Variants in FRMD4B observed in about 807,000 individuals in gnomAD.
FRMD4B encodes FERM domain containing 4B, also known as FERM domain-containing protein 4B.
FRMD4B carries 74 observed loss-of-function variants against 141.5 expected under a neutral mutation model. The ratio of observed to expected loss-of-function variants is 0.52; its 90% confidence interval spans 0.43 to 0.63. The LOEUF is 0.63. Among genes scored for constraint, FRMD4B ranks in the 30% least tolerant of loss-of-function variants. FRMD4B has a pLI of 0.00. For missense variants in FRMD4B, 1,366 were observed against 1,253.4 expected (o/e 1.09, Z -1.36); for synonymous variants, 506 against 467.9 (o/e 1.08, Z -1.05).
chr3:69,264,009 G>T (rs2093545301), intron 5 of FRMD4B, among the ~76,000 whole-genome samples: 2 of 151,350 alleles, frequency 1.3e-5, no homozygotes, highest in South Asian at 4.2e-4. Flanking sequence ...TATTTTTAGA[G>T]ACTGGGTTTT....
rs531635946 is a variant in FRMD4B at position 69,201,613 on chromosome 3, TTATC to T, written c.877-2843_877-2840del. 1.8e-4 allele frequency among the ~76,000 whole-genome samples: 27 copies of T among 152,316 alleles called. No homozygotes were observed. The South Asian group carries it at 5.6e-3, about 32-fold the overall frequency. On this transcript the variant is annotated intron_variant, in intron 11 of 22. Coordinates refer to ENST00000398540, the MANE Select transcript of FRMD4B (RefSeq NM_015123.3). ...AAATATTTCTAATTGTAGTGGTACT[TTATC>T]TAGCTGGCAGCTGGATATAAGCTGG...
intron 9 of FRMD4B, among the ~76,000 whole-genome samples, 166 bp downstream of exon 9, chr3:69,221,692 G>A (rs1026486264): frequency 6.6e-6 from 1 of 152,094 alleles, no homozygotes; most frequent in Non-Finnish European, 1.5e-5. Flanking sequence ...CTGAGTTGGT[G>A]ACACCAATGT....
At chr3:69,248,873 A>T (rs1004788585) in intron 7 of FRMD4B, among the ~76,000 whole-genome samples, 1 of 152,240 alleles carries the variant, frequency 6.6e-6, no homozygotes. Flanking sequence ...TTGTGCATAC[A>T]TTATAACTCT....
At chr3:69,183,160 G>C (rs1188893597) in intron 19 of FRMD4B, among the ~76,000 whole-genome samples, 2 of 152,168 alleles carry the variant, frequency 1.3e-5, no homozygotes, top group African/African-American at 4.8e-5. Context: ...CGACTACTCA[G>C]CTCTGCCCTT....
chr3:69,504,801 C>T (rs1706568574), intron 1 of FRMD4B, among the ~76,000 whole-genome samples: 2 of 152,160 alleles, frequency 1.3e-5, no homozygotes, highest in Admixed American at 1.3e-4. Flanking sequence ...TATTCCTAGA[C>T]ATGAAAATGC....
intron 1 of FRMD4B, among the ~76,000 whole-genome samples, chr3:69,344,944 C>A (rs1168721703): frequency 1.3e-5 from 2 of 152,096 alleles, no homozygotes; most frequent in Non-Finnish European, 2.9e-5. Context: ...GCATTTCCAA[C>A]TGAGATACTG....
intron 1 of FRMD4B, among the ~76,000 whole-genome samples, chr3:69,330,253 T>C (rs1046478762): frequency 3.3e-5 from 5 of 150,382 alleles, no homozygotes; most frequent in African/African-American, 1.2e-4. Flanking sequence ...GAAGGTCCCA[T>C]TGGCAGCTGA....
rs1553691418 is a variant in FRMD4B, at chr3:69,169,353, C to CTTCCTTTTTTTTTTTTTTTTTTTTTTTT, written c.*2507_*2508insAAAAAAAAAAAAAAAAAAAAAAAAGGAA. Among the ~76,000 whole-genome samples, 1 of 29,286 alleles carries CTTCCTTTTTTTTTTTTTTTTTTTTTTTT rather than the reference C, an allele frequency of 3.4e-5. No homozygotes were observed. The highest frequency in any genetic ancestry group is 6.4e-5 in the African/African-American group (1 of 15,666). The allele number at this position is 29,286 out of a possible 152,430, so 19.2% of individuals were successfully genotyped here. Reference sequence around the variant, plus strand: ...AGGATTGCTGAACTTCCATTTCTTTCTTTTTTTTTTTTTTTTTTTTTTCTT... The same window carrying CTTCCTTTTTTTTTTTTTTTTTTTTTTTT: ...AGGATTGCTGAACTTCCATTTCTTTCTTCCTTTTTTTTTTTTTTTTTTTTTTTTTTTTTTTTTTTTTTTTTTTTTTCTT... On this transcript the variant is annotated 3_prime_UTR_variant, in exon 23 of 23. Transcript: ENST00000398540.
intron 2 of FRMD4B, among the ~76,000 whole-genome samples, chr3:69,427,621 T>C (rs1463040214): frequency 6.8e-6 from 1 of 146,084 alleles, no homozygotes; most frequent in African/African-American, 2.5e-5. Context: ...CATGACTGTG[T>C]TTAGTAAGAA....
intron 1 of FRMD4B, among the ~76,000 whole-genome samples, chr3:69,376,458 G>C (rs1026738088): frequency 1.3e-5 from 2 of 152,100 alleles, no homozygotes; most frequent in East Asian, 1.9e-4. Context: ...TTAATATCTA[G>C]TAGCTGTTAC....
In FRMD4B at chr3:69,171,847, G is replaced by A; in HGVS notation, c.*14C>T. 1.2e-6 allele frequency: 2 copies of A among 1,609,174 alleles called. No homozygotes were observed. The highest frequency in any genetic ancestry group is 1.3e-5 in the African/African-American group (1 of 74,900). ...GTGAGAACGCAGTGCTTGGTCAGGAGGTCCAACTGCAGTTCAGACTAATGT... is the reference window on the plus strand; with the variant it reads ...GTGAGAACGCAGTGCTTGGTCAGGAAGTCCAACTGCAGTTCAGACTAATGT... On this transcript the variant is annotated 3_prime_UTR_variant, in exon 23 of 23. Coordinates refer to ENST00000398540, the MANE Select transcript of FRMD4B (RefSeq NM_015123.3).
rs1334074776 is a variant in FRMD4B at position 69,169,410 on chromosome 3, T to G, written c.*2451A>C. Among the ~76,000 whole-genome samples the G allele has an allele frequency of 6.9e-6, 1 of 144,794 alleles. No homozygotes were observed. The highest frequency in any genetic ancestry group is 1.5e-5 in the Non-Finnish European group (1 of 66,742). The allele number at this position is 144,794 out of a possible 152,430, so 95.0% of individuals were successfully genotyped here. A position where few individuals can be genotyped will look rare whatever the true frequency, so the allele number is the denominator to read the frequency against. On this transcript the variant is annotated 3_prime_UTR_variant, in exon 23 of 23. Coordinates refer to ENST00000398540, the MANE Select transcript of FRMD4B (RefSeq NM_015123.3). ...AGGTCTGTTATTGCCTAGGCTGGAA[T>G]GCAGTGGCACGATCCTGGCTCACTG...
chr3:69,326,225 G>A (rs1341111455), intron 1 of FRMD4B, among the ~76,000 whole-genome samples: 2 of 150,724 alleles, frequency 1.3e-5, no homozygotes, highest in Non-Finnish European at 2.9e-5. Flanking sequence ...CCATAGTGCT[G>A]GGATTATAGG....
Position 69,169,246 on chromosome 3 carries a change from T to C in FRMD4B, c.*2615A>G, listed in dbSNP as rs958440822. On this transcript the variant is annotated 3_prime_UTR_variant, in exon 23 of 23. Coordinates refer to ENST00000398540, the MANE Select transcript of FRMD4B (RefSeq NM_015123.3). ...ATGTACTTTTGTCACTTTTGGCTTT[T>C]AATAAATAACGTAGTTTAATTGGTT... is the stretch of plus-strand genomic sequence containing the variant. Among the ~76,000 whole-genome samples, 3 of 152,174 alleles carry C rather than the reference T, an allele frequency of 2.0e-5. No individual in the cohort carries two copies. The highest frequency in any genetic ancestry group is 7.2e-5 in the African/African-American group (3 of 41,440).
chr3:69,302,150 A>G (rs1000345270), intron 4 of FRMD4B, among the ~76,000 whole-genome samples, 193 bp downstream of exon 4: 3 of 152,238 alleles, frequency 2.0e-5, no homozygotes, highest in African/African-American at 7.2e-5. Flanking sequence ...GCTCTACGGT[A>G]TCTATGGTAA....
chr3:69,530,105 T>A (rs770754752), intron 1 of FRMD4B, among the ~76,000 whole-genome samples: 4 of 152,268 alleles, frequency 2.6e-5, no homozygotes, highest in Non-Finnish European at 4.4e-5. Context: ...AATTTATGTA[T>A]TGTCTGCAGC....
At chr3:69,420,304 A>AAAAAAC (rs1165939961) in intron 2 of FRMD4B, among the ~76,000 whole-genome samples, 1 of 151,686 alleles carries the variant, frequency 6.6e-6, no homozygotes, top group Non-Finnish European at 1.5e-5. Context: ...AAAAAAAAAA[A>AAAAAAC]ACAACCAAAA....
At position 69,528,238 on chromosome 3, in the gene FRMD4B, C is replaced by T. The variant is rs749114481; in HGVS notation, c.-129+13968G>A. On this transcript the variant is annotated intron_variant, in intron 1 of 5. Coordinates refer to the FRMD4B transcript ENST00000459638. ...GACGACTATGGGTTTCCTTCCCTCC[C>T]TCCCTGCCTCCCTCCCTCCCTTCCT... Among the ~76,000 whole-genome samples, 69 of 151,994 alleles carry T rather than the reference C, an allele frequency of 4.5e-4. 1 individual carries two copies. Among genetic ancestry groups the T allele is most frequent in the Non-Finnish European group, 2.4e-4 (16 of 67,982 alleles).
At chr3:69,328,184 T>C (rs1240430376) in intron 1 of FRMD4B, among the ~76,000 whole-genome samples, 1 of 152,232 alleles carries the variant, frequency 6.6e-6, no homozygotes, top group African/African-American at 2.4e-5. Context: ...GTACAACTAA[T>C]ATGAACTTAC....
Sources: gnomAD v4.1 joint callset for allele counts (sites outside exome capture counted in the v4.1 genomes callset) on GRCh38, gnomAD v4.1.1 for gene constraint, MANE v1.5 for transcripts, NCBI Gene and HGNC (gene_info 2026-07-23, HGNC 2026-07-21) for gene names.